Variants in GPC5 observed in about 807,000 individuals in gnomAD.
GPC5 encodes glypican-5.
In GPC5, 47 loss-of-function variants were observed where a neutral mutation model predicts 53.9. The ratio of observed to expected loss-of-function variants is 0.87; its 90% CI spans 0.69 to 1.11. The LOEUF is 1.11. Ranked by LOEUF, GPC5 falls within the 50% of genes most tolerant of loss-of-function variation. The pLI is 0.00. For missense variants in GPC5, 748 were observed against 713.1 expected (o/e 1.05, Z -0.56); for synonymous variants, 286 against 263.3 (o/e 1.09, Z -0.84).
chr13:92,128,143 G>A lies in GPC5; in HGVS notation c.1402-16687G>A, dbSNP rs182573342. The stretch of plus-strand genomic sequence containing the variant: ...TCCCTATTCTTCGGGTTTCCTCTGG[G>A]TCCTTTGATAATAGATGCTGGTATC... On this transcript the variant is annotated intron_variant, in intron 6 of 7. Coordinates refer to ENST00000377067, the MANE Select transcript of GPC5 (RefSeq NM_004466.6). Among the ~76,000 whole-genome samples the A allele has an allele frequency of 2.6e-5, 4 of 152,142 alleles. No homozygotes were observed. In the East Asian group the frequency reaches 7.7e-4, roughly 29 times the overall value.
intron 7 of GPC5, among the ~76,000 whole-genome samples, chr13:92,316,557 A>G (rs1238673211): frequency 1.3e-5 from 2 of 152,130 alleles, no homozygotes; most frequent in Non-Finnish European, 2.9e-5. Flanking sequence ...GTACAATAAA[A>G]CTAAGGACAC....
intron 6 of GPC5, among the ~76,000 whole-genome samples, chr13:91,993,452 A>G (rs1229239232): frequency 6.6e-6 from 1 of 151,994 alleles, no homozygotes; most frequent in Non-Finnish European, 1.5e-5. Context: ...AAGGGAGAAT[A>G]TAATATTAAA....
At chr13:92,121,152 T>C (rs2041645823) in intron 6 of GPC5, among the ~76,000 whole-genome samples, 1 of 152,218 alleles carries the variant, frequency 6.6e-6, no homozygotes, top group South Asian at 2.1e-4. Context: ...TTGAATACAT[T>C]TCTATTGTAA....
intron 7 of GPC5, among the ~76,000 whole-genome samples, chr13:92,379,265 G>T (rs1205640382): frequency 6.6e-6 from 1 of 152,156 alleles, no homozygotes; most frequent in Non-Finnish European, 1.5e-5. Flanking sequence ...GTTAATCAAT[G>T]TCCCTTCTAA....
At chr13:92,680,828 G>A (rs1566361007) in intron 7 of GPC5, among the ~76,000 whole-genome samples, 1 of 152,160 alleles carries the variant, frequency 6.6e-6, no homozygotes, top group Non-Finnish European at 1.5e-5. Context: ...AAGACACAGA[G>A]TAACAATTAT....
intron 7 of GPC5, among the ~76,000 whole-genome samples, chr13:92,356,567 A>G (rs1470247662): frequency 1.3e-5 from 2 of 152,194 alleles, no homozygotes; most frequent in African/African-American, 2.4e-5. Flanking sequence ...GACAAAGGTA[A>G]AAAGATTTGT....
chr13:92,767,931 C>A (rs1301261677), intron 7 of GPC5, among the ~76,000 whole-genome samples: 2 of 152,096 alleles, frequency 1.3e-5, no homozygotes, highest in Non-Finnish European at 1.5e-5. Context: ...TTTATGGAAT[C>A]TTTTGTGTAT....
chr13:91,663,633 AT>A (rs112955559), intron 2 of GPC5, among the ~76,000 whole-genome samples: 85 of 145,902 alleles, frequency 5.8e-4, no homozygotes, highest in East Asian at 1.6e-3. Flanking sequence ...AATTAAAAAC[AT>A]TTTTTTTTTT....
chr13:91,551,770 G>A (rs892268951), intron 2 of GPC5, among the ~76,000 whole-genome samples: 48 of 151,974 alleles, frequency 3.2e-4, no homozygotes, highest in African/African-American at 1.0e-3. Flanking sequence ...GAATGTATTT[G>A]GTTCTTAACA....
intron 1 of GPC5, among the ~76,000 whole-genome samples, chr13:91,422,217 C>T (rs183516282): frequency 2.1e-4 from 32 of 152,214 alleles, no homozygotes; most frequent in Admixed American, 1.6e-3. Flanking sequence ...TGGTAAGGTG[C>T]GTATAAAAAT....
At chr13:92,677,522 A>G (rs1886986503) in intron 7 of GPC5, among the ~76,000 whole-genome samples, 1 of 152,232 alleles carries the variant, frequency 6.6e-6, no homozygotes, top group Admixed American at 6.5e-5. Context: ...ACTTACAGCC[A>G]GTGAGTCCTG....
intron 5 of GPC5, among the ~76,000 whole-genome samples, chr13:91,862,343 G>T (rs191686727): frequency 1.3e-5 from 2 of 152,272 alleles, no homozygotes; most frequent in Admixed American, 1.3e-4. Flanking sequence ...TTAGTAGAGT[G>T]ATTCTCAACC....
chr13:91,796,131 T>C (rs1282073223), intron 5 of GPC5, among the ~76,000 whole-genome samples: 1 of 152,000 alleles, frequency 6.6e-6, no homozygotes, highest in African/African-American at 2.4e-5. Context: ...TCTGGGGCCA[T>C]GTGGTGAGTG....
At chr13:92,443,192 T>C (rs920791891) in intron 7 of GPC5, among the ~76,000 whole-genome samples, 7 of 152,086 alleles carry the variant, frequency 4.6e-5, no homozygotes, top group African/African-American at 1.4e-4. Context: ...AGGCTCTTTC[T>C]AACAGTGAGC....
At chr13:91,409,713 G>C (rs943316520) in intron 1 of GPC5, among the ~76,000 whole-genome samples, 1 of 151,102 alleles carries the variant, frequency 6.6e-6, no homozygotes, top group African/African-American at 2.4e-5. Context: ...TTTTTCTCCC[G>C]ACTTTCATAT....
chr13:91,574,389 C>A (rs973673810), intron 2 of GPC5, among the ~76,000 whole-genome samples: 1 of 152,112 alleles, frequency 6.6e-6, no homozygotes, highest in South Asian at 2.1e-4. Flanking sequence ...GAGTCAGGTG[C>A]TTCAAGCAAG....
At chr13:92,271,270 A>G (rs960426966) in intron 7 of GPC5, among the ~76,000 whole-genome samples, 5 of 152,196 alleles carry the variant, frequency 3.3e-5, no homozygotes, top group African/African-American at 1.2e-4. Context: ...AACATGTTGT[A>G]CAGTCATTTG....
At chr13:92,082,595 T>C (rs1183082000) in intron 6 of GPC5, among the ~76,000 whole-genome samples, 1 of 152,178 alleles carries the variant, frequency 6.6e-6, no homozygotes, top group Non-Finnish European at 1.5e-5. Context: ...AAAATAAATA[T>C]ATTGCTCACA....
chr13:92,334,728 T>G (rs1274735960), intron 7 of GPC5, among the ~76,000 whole-genome samples: 4 of 152,084 alleles, frequency 2.6e-5, no homozygotes, highest in Non-Finnish European at 5.9e-5. Context: ...TGGGAGAAAT[T>G]GGACAAAACA....
Sources: allele counts gnomAD v4.1 joint callset (sites outside exome capture counted in the v4.1 genomes callset), GRCh38; gene constraint gnomAD v4.1.1; transcripts MANE v1.5; gene names NCBI Gene and HGNC (gene_info 2026-07-23, HGNC 2026-07-21).